LRP1B: variants seen among roughly 807,000 people sequenced by gnomAD.
LRP1B encodes the protein low-density lipoprotein receptor-related protein 1B.
A neutral mutation model predicts 556.6 loss-of-function variants in LRP1B; 217 were observed. That is an observed-to-expected ratio of 0.39 (90% confidence interval 0.35 to 0.44). The LOEUF is 0.44. LRP1B is among the 20% of genes least tolerant of loss of function. The pLI is 1.00. For missense variants in LRP1B, 5,053 were observed against 5,620.8 expected (o/e 0.90, Z 3.23); for synonymous variants, 2,047 against 1,865.8 (o/e 1.10, Z -2.50).
At chr2:141,385,323 C>T in intron 3 of LRP1B, among the ~76,000 whole-genome samples, 1 of 152,066 alleles carries the variant, frequency 6.6e-6, no homozygotes, top group East Asian at 1.9e-4. Context: ...GTATTCTTGA[C>T]CTAAAAATCT....
chr2:141,277,606 A>T (rs1489428339), intron 3 of LRP1B, among the ~76,000 whole-genome samples: 1 of 152,048 alleles, frequency 6.6e-6, no homozygotes, highest in Non-Finnish European at 1.5e-5. Flanking sequence ...ATAGCAGATT[A>T]TATAATCAGA....
intron 2 of LRP1B, among the ~76,000 whole-genome samples, chr2:141,794,616 T>C (rs1695739295): frequency 6.6e-6 from 1 of 152,022 alleles, no homozygotes; most frequent in Admixed American, 6.6e-5. Flanking sequence ...ACATGTATAT[T>C]TTATGATACA....
intron 1 of LRP1B, among the ~76,000 whole-genome samples, chr2:141,901,614 T>C (rs1178752555): frequency 6.6e-6 from 1 of 151,886 alleles, no homozygotes; most frequent in East Asian, 1.9e-4. Context: ...AATGATCTGA[T>C]CAGATGAAGT....
intron 3 of LRP1B, among the ~76,000 whole-genome samples, chr2:141,422,685 T>A (rs1212987812): frequency 6.6e-6 from 1 of 152,224 alleles, no homozygotes. Context: ...AAACATGACA[T>A]TTATGGCTAT....
At chr2:140,882,819 C>G (rs898735290) in intron 25 of LRP1B, among the ~76,000 whole-genome samples, 14 of 152,144 alleles carry the variant, frequency 9.2e-5, no homozygotes, top group Non-Finnish European at 1.9e-4. Context: ...TTGGCTCACT[C>G]CCTGCTCATT....
chr2:142,116,944 A>G (rs1039456758), intron 1 of LRP1B, among the ~76,000 whole-genome samples: 17 of 152,140 alleles, frequency 1.1e-4, no homozygotes, highest in African/African-American at 3.4e-4. Context: ...GAATTTGTCT[A>G]CTTATCAGAA....
intron 66 of LRP1B, among the ~76,000 whole-genome samples, chr2:140,387,831 T>C (rs916934109): frequency 1.3e-5 from 2 of 152,176 alleles, no homozygotes; most frequent in African/African-American, 4.8e-5. Context: ...TACTGAACAA[T>C]TTGGATGTCT....
At chr2:141,529,761 A>G (rs1453850298) in intron 2 of LRP1B, among the ~76,000 whole-genome samples, 2 of 152,146 alleles carry the variant, frequency 1.3e-5, no homozygotes, top group Non-Finnish European at 2.9e-5. Context: ...ACTTCTCTAC[A>G]TAAAGGATCT....
intron 6 of LRP1B, among the ~76,000 whole-genome samples, chr2:141,217,804 G>T (rs1682876145): frequency 2.0e-5 from 3 of 152,104 alleles, no homozygotes; most frequent in Non-Finnish European, 1.5e-5. Flanking sequence ...AACTTACAGA[G>T]TGGGAGAAGA....
At chr2:140,295,160 G>T (rs1207663911) in intron 84 of LRP1B, among the ~76,000 whole-genome samples, 1 of 152,004 alleles carries the variant, frequency 6.6e-6, no homozygotes, top group African/African-American at 2.4e-5. Flanking sequence ...TTACAGGTGT[G>T]AGCCACTGCG....
At chr2:141,278,928 T>C (rs1558977590) in intron 3 of LRP1B, among the ~76,000 whole-genome samples, 1 of 152,158 alleles carries the variant, frequency 6.6e-6, no homozygotes, top group Non-Finnish European at 1.5e-5. Context: ...ATACACAGCC[T>C]GAGAGTGGAG....
At chr2:141,767,282 G>A (rs1694760662) in intron 2 of LRP1B, among the ~76,000 whole-genome samples, 1 of 152,204 alleles carries the variant, frequency 6.6e-6, no homozygotes, top group Middle Eastern at 3.4e-3. Flanking sequence ...AAAGTATTAA[G>A]CAAAGTTGCA....
intron 3 of LRP1B, among the ~76,000 whole-genome samples, chr2:141,369,650 T>C (rs1689158427): frequency 6.6e-6 from 1 of 152,200 alleles, no homozygotes; most frequent in Admixed American, 6.5e-5. Context: ...CAATCTGTTT[T>C]TATTTTTATT....
At chr2:140,633,953 G>T (rs1683984859) in intron 41 of LRP1B, among the ~76,000 whole-genome samples, 1 of 152,112 alleles carries the variant, frequency 6.6e-6, no homozygotes, top group East Asian at 1.9e-4. Flanking sequence ...ACTGGATGAG[G>T]CTAGCCTTAA....
chr2:141,801,389 A>T (rs1245203167), intron 2 of LRP1B, among the ~76,000 whole-genome samples: 3 of 152,120 alleles, frequency 2.0e-5, no homozygotes, highest in African/African-American at 7.2e-5. Flanking sequence ...CTTGGGTTCA[A>T]GTAATCCTCT....
intron 2 of LRP1B, among the ~76,000 whole-genome samples, chr2:141,791,194 A>G (rs549473293): frequency 6.6e-6 from 1 of 152,170 alleles, no homozygotes; most frequent in South Asian, 2.1e-4. Context: ...AACTTACATG[A>G]AAAATAGTAA....
intron 43 of LRP1B, among the ~76,000 whole-genome samples, chr2:140,552,083 G>A (rs1680565994): frequency 6.6e-6 from 1 of 152,080 alleles, no homozygotes; most frequent in African/African-American, 2.4e-5. Flanking sequence ...ATTTTGACTT[G>A]GTGACAGGGA....
chr2:140,247,106 T>C lies in LRP1B; in HGVS notation c.13304A>G (p.Lys4435Arg). ...QCERPAPKSS[K>R]SDHISTRSIA... ...CTTACTTGTGCTGATATGATCAGAC[T>C]TGCTGCTCTTTGGGGCTGGCCTTTC... The change falls in exon 87 of 91, where the codon AAG becomes AGG. Residue 4435 changes from lysine (K) to arginine (R), a missense_variant. Lys to Arg is a conservative substitution (Grantham distance 26). Around this residue, in one of 5 missense-constraint regions of LRP1B, gnomAD observed 551 missense variants for 592.0 expected, o/e 0.93. Transcript: ENST00000389484. 6.2e-7 allele frequency: 1 copy of C among 1,609,308 alleles called. No homozygotes were observed. Among genetic ancestry groups the C allele is most frequent in the Non-Finnish European group, 8.5e-7 (1 of 1,176,666 alleles).
Position 141,451,566 on chromosome 2 carries a change from T to C in LRP1B, c.343+28830A>G, listed in dbSNP as rs538822030. Among the ~76,000 whole-genome samples the C allele has an allele frequency of 2.6e-5, 4 of 152,314 alleles. No homozygotes were observed. The South Asian group carries it at 8.3e-4, about 32-fold the overall frequency. On this transcript the variant is annotated intron_variant, in intron 3 of 90. Coordinates refer to ENST00000389484, the MANE Select transcript of LRP1B (RefSeq NM_018557.3). ...CAAAATTGTCCTTGCAGAATTCACC[T>C]ATATAATTGTACCTGTTGGGTGAAT...
Sources: allele counts gnomAD v4.1 joint callset (sites outside exome capture counted in the v4.1 genomes callset), GRCh38; gene constraint gnomAD v4.1.1; regional missense constraint gnomAD v4.1.1; transcripts MANE v1.5; gene names NCBI Gene and HGNC (gene_info 2026-07-23, HGNC 2026-07-21).